The following ROBO1 variants were observed in gnomAD, a reference collection of about 807,000 sequenced individuals.
ROBO1 encodes roundabout homolog 1.
In ROBO1, 149 loss-of-function variants were observed where a neutral mutation model predicts 195.9. The ratio of observed to expected loss-of-function variants is 0.76; its 90% confidence interval spans 0.67 to 0.87. ROBO1 has a LOEUF of 0.87. Ranked by LOEUF, ROBO1 falls within the 40% of genes least tolerant of loss-of-function variation. ROBO1 has a pLI of 0.00. For missense variants in ROBO1, 1,933 were observed against 2,068.3 expected (o/e 0.93, Z 1.27); for synonymous variants, 816 against 733.2 (o/e 1.11, Z -1.82).
intron 2 of ROBO1, among the ~76,000 whole-genome samples, chr3:79,501,044 G>C (rs987081731): frequency 1.3e-5 from 2 of 152,064 alleles, no homozygotes; most frequent in Non-Finnish European, 2.9e-5. Flanking sequence ...GATCTTGGCT[G>C]GTCAAGTTTT....
chr3:79,476,508 C>G (rs1938552990), intron 2 of ROBO1, among the ~76,000 whole-genome samples: 1 of 151,950 alleles, frequency 6.6e-6, no homozygotes. Context: ...AGAACCAGCC[C>G]AAATACCCAT....
At chr3:78,965,971 A>G (rs2076633540) in intron 3 of ROBO1, among the ~76,000 whole-genome samples, 1 of 152,214 alleles carries the variant, frequency 6.6e-6, no homozygotes, top group African/African-American at 2.4e-5. Context: ...GCAACAAGCA[A>G]CTAGCTATTG....
At chr3:79,475,601 T>G (rs2107344763) in intron 2 of ROBO1, among the ~76,000 whole-genome samples, 1 of 152,124 alleles carries the variant, frequency 6.6e-6, no homozygotes, top group South Asian at 2.1e-4. Flanking sequence ...TTGGAATATT[T>G]TATTACTATA....
At chr3:79,337,986 G>T (rs924822213) in intron 2 of ROBO1, among the ~76,000 whole-genome samples, 7 of 152,046 alleles carry the variant, frequency 4.6e-5, no homozygotes, top group African/African-American at 1.7e-4. Context: ...AAAATATTGG[G>T]CTATTATGCC....
chr3:79,463,447 G>A (rs1937771216), intron 2 of ROBO1, among the ~76,000 whole-genome samples: 1 of 151,230 alleles, frequency 6.6e-6, no homozygotes, highest in Non-Finnish European at 1.5e-5. Context: ...AATAAAATGT[G>A]TCATTACTCA....
At chr3:78,890,396 AC>A (rs2036818675) in intron 4 of ROBO1, among the ~76,000 whole-genome samples, 1 of 152,092 alleles carries the variant, frequency 6.6e-6, no homozygotes, top group African/African-American at 2.4e-5. Flanking sequence ...GCTTGTATGC[AC>A]CAAAGGAAGG....
At chr3:79,605,992 G>GTA (rs141950454) in intron 1 of ROBO1, among the ~76,000 whole-genome samples, 5,692 of 145,140 alleles carry the variant, frequency 0.039, 240 homozygotes, top group African/African-American at 0.11. Context: ...ATGTGTGTGT[G>GTA]TATATATATA....
At chr3:78,680,004 ACACAAGCCT>A (rs1409677302) in intron 10 of ROBO1, among the ~76,000 whole-genome samples, 1 of 152,194 alleles carries the variant, frequency 6.6e-6, no homozygotes, top group Non-Finnish European at 1.5e-5. Flanking sequence ...ATGGAACAGA[ACACAAGCCT>A]CAGAAATAAC....
intron 2 of ROBO1, among the ~76,000 whole-genome samples, chr3:79,544,530 T>C (rs1372224531): frequency 6.6e-6 from 1 of 152,048 alleles, no homozygotes; most frequent in Non-Finnish European, 1.5e-5. Flanking sequence ...ATTGCAGATA[T>C]TAATACCAGA....
chr3:79,115,079 A>G (rs2079967408), intron 3 of ROBO1, among the ~76,000 whole-genome samples: 1 of 152,180 alleles, frequency 6.6e-6, no homozygotes, highest in Non-Finnish European at 1.5e-5. Flanking sequence ...TGGGTCTAGG[A>G]ATGATTGAGC....
At chr3:79,189,895 C>T (rs574696402) in intron 2 of ROBO1, among the ~76,000 whole-genome samples, 7 of 151,686 alleles carry the variant, frequency 4.6e-5, no homozygotes, top group East Asian at 1.9e-4. Flanking sequence ...TACATTAGAA[C>T]GTTAAGAGAA....
At chr3:78,693,176 C>T in intron 8 of ROBO1, 1 of 761,604 alleles carries the variant, frequency 1.3e-6, no homozygotes, top group Non-Finnish European at 2.0e-6. Flanking sequence ...TCACAGTTAC[C>T]CATACTTCCT....
At chr3:79,361,392 G>T (rs2035764388) in intron 2 of ROBO1, among the ~76,000 whole-genome samples, 1 of 151,880 alleles carries the variant, frequency 6.6e-6, no homozygotes, top group South Asian at 2.1e-4. Flanking sequence ...GTAGCAAAAG[G>T]AGAAAAGCAA....
At chr3:79,653,936 G>A (rs1252712505) in intron 1 of ROBO1, among the ~76,000 whole-genome samples, 2 of 151,898 alleles carry the variant, frequency 1.3e-5, no homozygotes, top group Non-Finnish European at 2.9e-5. Context: ...CAAAGTACAT[G>A]TTAGGAAAGT....
chr3:78,821,383 C>T (rs988743352), intron 4 of ROBO1, among the ~76,000 whole-genome samples: 1 of 151,882 alleles, frequency 6.6e-6, no homozygotes, highest in Non-Finnish European at 1.5e-5. Flanking sequence ...CCAGGCTGGT[C>T]GCAAACTCCT....
chr3:78,703,078 TC>T (rs2081458456), intron 8 of ROBO1, among the ~76,000 whole-genome samples: 1 of 152,188 alleles, frequency 6.6e-6, no homozygotes, highest in South Asian at 2.1e-4. Flanking sequence ...AAATCTTTTT[TC>T]GTCGATGAAA....
chr3:79,144,338 C>T (rs928661448), intron 2 of ROBO1, among the ~76,000 whole-genome samples: 1 of 152,026 alleles, frequency 6.6e-6, no homozygotes, highest in African/African-American at 2.4e-5. Flanking sequence ...AGAAATGTCT[C>T]TGCAGCATTA....
At chr3:79,405,545 C>T (rs1290553043) in intron 2 of ROBO1, among the ~76,000 whole-genome samples, 1 of 152,132 alleles carries the variant, frequency 6.6e-6, no homozygotes, top group African/African-American at 2.4e-5. Flanking sequence ...GGTTACTAAT[C>T]TTTGTCTGGA....
intron 3 of ROBO1, among the ~76,000 whole-genome samples, chr3:78,958,712 T>A (rs2041170867): frequency 6.6e-6 from 1 of 151,470 alleles, no homozygotes; most frequent in Admixed American, 6.6e-5. Context: ...TTCATCCCAG[T>A]TTAACCAGGA....
Sources: allele counts gnomAD v4.1 joint callset (sites outside exome capture counted in the v4.1 genomes callset), GRCh38; gene constraint gnomAD v4.1.1; transcripts MANE v1.5; gene names NCBI Gene and HGNC (gene_info 2026-07-23, HGNC 2026-07-21).